The following DNAAF4 variants were observed in gnomAD, a reference collection of about 807,000 sequenced individuals.
DNAAF4 encodes dynein axonemal assembly factor 4.
Under a neutral mutation model 51.8 loss-of-function variants are expected in DNAAF4, and 43 were observed. That is an observed-to-expected ratio of 0.83 (90% CI 0.65 to 1.07). The LOEUF (loss-of-function observed/expected upper bound fraction) is 1.07. Ranked by LOEUF, DNAAF4 falls within the 50% of genes least tolerant of loss-of-function variation. The pLI, the probability that DNAAF4 is intolerant of heterozygous loss-of-function variation, is 0.00. For missense variants in DNAAF4, 581 were observed against 493.0 expected (o/e 1.18, Z -1.69); for synonymous variants, 194 against 165.6 (o/e 1.17, Z -1.32).
intron 5 of DNAAF4, among the ~76,000 whole-genome samples, chr15:55,462,030 C>G (rs1236369077): frequency 6.6e-6 from 1 of 152,126 alleles, no homozygotes; most frequent in African/African-American, 2.4e-5. Context: ...AGAAAACCTA[C>G]AGGAGATGGA....
intron 4 of DNAAF4, among the ~76,000 whole-genome samples, chr15:55,482,929 T>C (rs1467871529): frequency 6.6e-6 from 1 of 152,070 alleles, no homozygotes; most frequent in Non-Finnish European, 1.5e-5. Flanking sequence ...AAAGAAAGCC[T>C]CCCATAAAGA....
At chr15:55,436,648 G>A (rs1222386733) in intron 7 of DNAAF4, among the ~76,000 whole-genome samples, 1 of 152,098 alleles carries the variant, frequency 6.6e-6, no homozygotes, top group African/African-American at 2.4e-5. Flanking sequence ...GCCTCCCAGA[G>A]TGCTGGGATT....
At chr15:55,456,998 T>C (rs1455698689) in intron 5 of DNAAF4, among the ~76,000 whole-genome samples, 2 of 152,146 alleles carry the variant, frequency 1.3e-5, no homozygotes, top group Non-Finnish European at 2.9e-5. Context: ...TGTAATAATT[T>C]TGACTGAGCA....
chr15:55,428,022 C>T (rs553604835), downstream of DNAAF4, among the ~76,000 whole-genome samples: 8 of 151,910 alleles, frequency 5.3e-5, no homozygotes, highest in Admixed American at 5.3e-4. Flanking sequence ...GCCCAATCTC[C>T]GCTCACTGCA....
rs190569725 is a variant in DNAAF4 at position 55,438,488 on chromosome 15, T to C, written c.893+984A>G. On this transcript the variant is annotated intron_variant, in intron 7 of 9. Transcript: ENST00000321149. ...GCAGTAAGATGGTAATCTTTAGAAA[T>C]GGATTTGAATAGGTCCCACACCAGG... 2.6e-5 allele frequency among the ~76,000 whole-genome samples: 4 copies of C among 151,860 alleles called. No individual in the cohort carries two copies. The East Asian group carries it at 7.8e-4, about 29-fold the overall frequency.
In DNAAF4 at chr15:55,483,833, C is replaced by CTTTTTTT. The variant is rs71105887; in HGVS notation, c.405+7283_405+7289dup. 3.2e-3 allele frequency among the ~76,000 whole-genome samples: 267 copies of CTTTTTTT among 82,450 alleles called. 57 individuals are homozygous for CTTTTTTT. Among genetic ancestry groups the CTTTTTTT allele is most frequent in the Non-Finnish European group, 4.3e-3 (195 of 45,640 alleles). 54.1% of individuals were successfully genotyped at this position (82,450 alleles called of 152,430 possible). A position where few individuals can be genotyped will look rare whatever the true frequency, so the allele number is the denominator to read the frequency against. On this transcript the variant is annotated intron_variant, in intron 4 of 9. Transcript: ENST00000321149. ...GAGCCATCACACCCAGCCAATAAAG[C>CTTTTTTT]TTTTTTTTTTTTTTTTTTTTTTTTT...
At chr15:55,462,157 C>T (rs936256456) in intron 5 of DNAAF4, among the ~76,000 whole-genome samples, 3 of 150,222 alleles carry the variant, frequency 2.0e-5, no homozygotes, top group Non-Finnish European at 4.4e-5. Context: ...TTAAAAATGG[C>T]CAACTAAAAA....
chr15:55,467,072 A>G lies in DNAAF4; in HGVS notation c.495T>C (p.Tyr165=), dbSNP rs558591153. ...TTTTTTGCTCCTCAGCTTTTCTTTG[A>G]TATTCTTTCCAGGCTTCCAATGCTT... ...ATKALEAWKE[Y]QRKAEEQKKI... Residue 165 remains tyrosine (Y), a synonymous_variant, in exon 5 of 10, where the codon TAT becomes TAC. Transcript: ENST00000321149. 2.6e-6 allele frequency: 4 copies of G among 1,549,194 alleles called. No homozygotes were observed. Among genetic ancestry groups the G allele is most frequent in the East Asian group, 4.9e-5 (2 of 40,998 alleles).
At chr15:55,440,200 G>A (rs777999019) in intron 6 of DNAAF4, among the ~76,000 whole-genome samples, 9 of 149,898 alleles carry the variant, frequency 6.0e-5, no homozygotes, top group Non-Finnish European at 1.3e-4. Flanking sequence ...TTACAGGCGT[G>A]TGCCACCATG....
Position 55,439,539 on chromosome 15 carries a change from C to T in DNAAF4, c.826G>A (p.Asp276Asn), listed in dbSNP as rs756507374. 5 of 1,614,060 alleles carry T rather than the reference C, an allele frequency of 3.1e-6. No homozygotes were observed. The East Asian group carries it at 6.7e-5, about 22-fold the overall frequency. The stretch of plus-strand genomic sequence containing the variant: ...TTTAAATCGCAAAGTTCAGCTATGT[C>T]AGTATTCATTGCTCTTCGTGCCTCA... ...QAEARRAMNT[D>N]IAELCDLKEE... Residue 276 changes from aspartate to asparagine, a missense_variant, in exon 7 of 10, where the codon GAC becomes AAC. Physicochemically the swap from Asp to Asn is conservative, Grantham distance 23. Coordinates refer to ENST00000321149, the MANE Select transcript of DNAAF4 (RefSeq NM_130810.4).
At chr15:55,493,563 G>C (rs1424684050) in intron 3 of DNAAF4, among the ~76,000 whole-genome samples, 2 of 151,838 alleles carry the variant, frequency 1.3e-5, no homozygotes, top group Non-Finnish European at 2.9e-5. Context: ...TATCAAGAAG[G>C]AATTTCCAGA....
chr15:55,472,977 C>A (rs1462489901), intron 4 of DNAAF4, among the ~76,000 whole-genome samples: 1 of 151,482 alleles, frequency 6.6e-6, no homozygotes, highest in African/African-American at 2.4e-5. Flanking sequence ...ACCAGCCTGG[C>A]CAAAATGGTG....
downstream of DNAAF4, among the ~76,000 whole-genome samples, chr15:55,427,400 G>A (rs796681618): frequency 9.2e-5 from 14 of 152,210 alleles, no homozygotes; most frequent in South Asian, 2.7e-3. Context: ...CTTGGTGGGT[G>A]AGGTGAAGCT....
intron 5 of DNAAF4, among the ~76,000 whole-genome samples, chr15:55,463,477 G>T (rs1443350063): frequency 6.6e-6 from 1 of 152,130 alleles, no homozygotes; most frequent in African/African-American, 2.4e-5. Flanking sequence ...ATCTAAATCA[G>T]TAAGGAGGAA....
downstream of DNAAF4, among the ~76,000 whole-genome samples, chr15:55,429,245 C>T (rs149626980): frequency 0.011 from 1,682 of 151,830 alleles, 15 homozygotes; most frequent in South Asian, 0.016. Context: ...TAAGGCCGGG[C>T]GCGGTGGCTC....
intron 4 of DNAAF4, among the ~76,000 whole-genome samples, chr15:55,483,665 G>A (rs983960894): frequency 6.6e-5 from 10 of 150,566 alleles, no homozygotes; most frequent in Non-Finnish European, 8.9e-5. Context: ...CTCAGCCTCC[G>A]GAGTAGCTGG....
chr15:55,506,324 C>T (rs2058727102), intron 1 of DNAAF4, among the ~76,000 whole-genome samples: 2 of 152,186 alleles, frequency 1.3e-5, no homozygotes, highest in African/African-American at 4.8e-5. Flanking sequence ...TCCTATGTAT[C>T]TATCTTAGAG....
intron 6 of DNAAF4, among the ~76,000 whole-genome samples, chr15:55,445,145 C>T (rs1334640017): frequency 6.8e-6 from 1 of 147,198 alleles, no homozygotes; most frequent in Admixed American, 7.1e-5. Context: ...CAGATAAACA[C>T]ATGAACAAAG....
At chr15:55,460,479 C>A (rs1003793081) in intron 5 of DNAAF4, among the ~76,000 whole-genome samples, 44 of 151,922 alleles carry the variant, frequency 2.9e-4, no homozygotes, top group African/African-American at 9.7e-5. Context: ...CGCGCCCGGC[C>A]GGAATTCTCA....
Sources: allele counts gnomAD v4.1 joint callset (sites outside exome capture counted in the v4.1 genomes callset), GRCh38; gene constraint gnomAD v4.1.1; transcripts MANE v1.5; gene names NCBI Gene and HGNC (gene_info 2026-07-23, HGNC 2026-07-21).